The following COL6A2 variants were observed in gnomAD, a reference collection of about 807,000 sequenced individuals.
COL6A2 encodes collagen alpha-2(VI) chain.
A neutral mutation model predicts 124.9 loss-of-function variants in COL6A2; 90 were observed. The observed-to-expected ratio is 0.72, with a 90% CI of 0.61 to 0.86. The LOEUF (loss-of-function observed/expected upper bound fraction) is 0.86, where lower values mean the gene tolerates loss of function less well. COL6A2 is among the 40% of genes least tolerant of loss of function. COL6A2 has a pLI of 0.00. For synonymous variants in COL6A2, 793 were observed against 618.2 expected (o/e 1.28, Z -4.19); for missense variants, 1,607 against 1,502.5 (o/e 1.07, Z -1.15).
chr21:46,132,745 C>G lies in COL6A2; in HGVS notation c.*193C>G. 1.6e-6 allele frequency: 1 copy of G among 621,278 alleles called. No homozygotes were observed. The highest frequency in any genetic ancestry group is 2.8e-6 in the Non-Finnish European group (1 of 356,398). The allele number at this position is 621,278 out of a possible 1,614,324, so 38.5% of individuals were successfully genotyped here. A position where few individuals can be genotyped will look rare whatever the true frequency, so the allele number is the denominator to read the frequency against. ...GCCCCAGGTCTCCCCAGGCCCTCCG[C>G]AGGCTGCCCGGCCTCCCTCCCCCTG... On this transcript the variant is annotated 3_prime_UTR_variant, in exon 28 of 28. Coordinates refer to ENST00000300527, the MANE Select transcript of COL6A2 (RefSeq NM_001849.4).
At chr21:46,121,000 T>TG (rs2078557265) in intron 16 of COL6A2, 61 bp from the exon 17 acceptor site, 2 of 1,506,684 alleles carry the variant, frequency 1.3e-6, no homozygotes, top group Admixed American at 3.3e-5. Context: ...GGATTGATAC[T>TG]GGGGACTCCA....
At chr21:46,103,843 T>C (rs1218832080) in intron 1 of COL6A2, among the ~76,000 whole-genome samples, 2 of 152,244 alleles carry the variant, frequency 1.3e-5, no homozygotes, top group Admixed American at 1.3e-4. Flanking sequence ...TCCGTCTGGT[T>C]GAAGTGACTT....
At position 46,112,324 on chromosome 21, in the gene COL6A2, T is replaced by TCCACTTCG; in HGVS notation, c.464_471dup (p.Val158ThrfsTer42). 1.2e-6 allele frequency: 2 copies of TCCACTTCG among 1,611,540 alleles called. No homozygotes were observed. The highest frequency in any genetic ancestry group is 1.7e-6 in the Non-Finnish European group (2 of 1,179,488). The stretch of plus-strand genomic sequence containing the variant: ...CGGCAGGACCGCAGCAAGGGCACCG[T>TCCACTTCG]CCACTTCGCCGTGGTCATCACCGAC... On this transcript the variant is annotated frameshift_variant, in exon 3 of 28. Coordinates refer to ENST00000300527, the MANE Select transcript of COL6A2 (RefSeq NM_001849.4). LOFTEE classifies it high-confidence loss of function.
At position 46,120,295 on chromosome 21, in the gene COL6A2, G is replaced by A. The variant is rs140431528; in HGVS notation, c.1333-220G>A. On this transcript the variant is annotated intron_variant, in intron 15 of 27. Coordinates refer to ENST00000300527, the MANE Select transcript of COL6A2 (RefSeq NM_001849.4). ...GACGAGGTCCTACCCACGTGTGGGT[G>A]GCCTCAGGGGGACCGAGAGACACCG... 1.2e-4 allele frequency among the ~76,000 whole-genome samples: 18 copies of A among 152,286 alleles called. No homozygotes were observed. The East Asian group carries it at 3.5e-3, about 29-fold the overall frequency.
At chr21:46,120,900 C>T (rs2078555577) in intron 16 of COL6A2, among the ~76,000 whole-genome samples, 161 bp from the exon 17 acceptor site, 2 of 152,154 alleles carry the variant, frequency 1.3e-5, no homozygotes, top group Non-Finnish European at 2.9e-5. Flanking sequence ...GTGCTCAGGG[C>T]TGAAGGTCAA....
At chr21:46,106,987 T>C (rs973364415) in intron 1 of COL6A2, among the ~76,000 whole-genome samples, 1 of 152,232 alleles carries the variant, frequency 6.6e-6, no homozygotes, top group Non-Finnish European at 1.5e-5. Context: ...TAGGAATAAC[T>C]GATATTTTTA....
chr21:46,103,536 T>G (rs562384340), intron 1 of COL6A2, among the ~76,000 whole-genome samples: 3 of 152,220 alleles, frequency 2.0e-5, no homozygotes, highest in Non-Finnish European at 2.9e-5. Flanking sequence ...AATATAAGCA[T>G]GTATAGCCAT....
At chr21:46,119,182 G>C in intron 14 of COL6A2, 63 bp downstream of exon 14, 1 of 1,272,396 alleles carries the variant, frequency 7.9e-7, no homozygotes. Context: ...AGCTTGAGGA[G>C]GACCATGGGG....
At chr21:46,098,531 CG>C (rs1297117292) in intron 1 of COL6A2, among the ~76,000 whole-genome samples, 1 of 151,688 alleles carries the variant, frequency 6.6e-6, no homozygotes, top group East Asian at 1.9e-4. Context: ...CCGCACGCCC[CG>C]CCAGGCCCCG....
Position 46,116,837 on chromosome 21 carries a change from A to G in COL6A2, c.999+23A>G. 6.2e-7 allele frequency: 1 copy of G among 1,612,570 alleles called. No individual in the cohort carries two copies. Among genetic ancestry groups the G allele is most frequent in the Non-Finnish European group, 8.5e-7 (1 of 1,179,858 alleles). ...AAGGTAGAGGGAGCCTCGGGCTCAC[A>G]GCTGGACTGGTCTCACAGAGGCATC... On this transcript the variant is annotated intron_variant, in intron 10 of 27. Transcript: ENST00000300527. The surrounding 1 kb of genome is among the most constrained non-coding windows in gnomAD (Gnocchi z 4.6).
chr21:46,129,460 G>C (rs1332239973), intron 27 of COL6A2: 1 of 1,600,528 alleles, frequency 6.2e-7, no homozygotes, highest in Non-Finnish European at 8.5e-7. Context: ...GACATCGTGG[G>C]GGACCCCGAG....
chr21:46,113,610 A>C, intron 4 of COL6A2: 1 of 267,992 alleles, frequency 3.7e-6, no homozygotes, highest in East Asian at 9.2e-5. Flanking sequence ...TTTTTTGTAG[A>C]GATGGGATCT....
At chr21:46,100,326 TTGTTTGGGG>T (rs1008929369) in intron 1 of COL6A2, among the ~76,000 whole-genome samples, 6 of 152,090 alleles carry the variant, frequency 3.9e-5, no homozygotes, top group African/African-American at 1.2e-4. Context: ...GTTTGTTTGT[TTGTTTGGGG>T]TGTTTGGGGG....
At chr21:46,104,167 A>G (rs1358479647) in intron 1 of COL6A2, among the ~76,000 whole-genome samples, 4 of 114,958 alleles carry the variant, frequency 3.5e-5, no homozygotes, top group African/African-American at 1.1e-4. Context: ...TTCCTATTTC[A>G]AAGGAAAAAA....
chr21:46,121,805 C>T (rs1214855316), intron 18 of COL6A2, among the ~76,000 whole-genome samples, 187 bp downstream of exon 18: 1 of 152,164 alleles, frequency 6.6e-6, no homozygotes, highest in Non-Finnish European at 1.5e-5. Context: ...TGGCTCTCCT[C>T]TTCAGCAGTG....
At chr21:46,129,722 G>A (rs772168120) in intron 27 of COL6A2, 143 of 1,396,210 alleles carry the variant, frequency 1.0e-4, no homozygotes, top group Non-Finnish European at 1.3e-4. Context: ...TCCTGTGGCC[G>A]CTCTCTTTAT....
intron 19 of COL6A2, 118 bp from the exon 20 acceptor site, chr21:46,122,378 C>T: frequency 1.4e-6 from 2 of 1,404,468 alleles, no homozygotes; most frequent in Admixed American, 1.7e-5. Flanking sequence ...AGCACAGTGG[C>T]CTCACCCAGA....
rs753791441 is a variant in COL6A2 at position 46,124,929 on chromosome 21, C to T, written c.1770+9C>T. The T allele has an allele frequency of 3.7e-5, 59 of 1,612,736 alleles. No homozygotes were observed. ...GAGACCCCGGTCTCACGGTAGGTGT[C>T]ACATGGGGCAGAACCAGTGTCCTTC... On this transcript the variant is annotated intron_variant, in intron 23 of 27. Transcript: ENST00000300527.
In COL6A2 at chr21:46,130,146, C is replaced by T. The variant is rs541683225; in HGVS notation, c.2462-1808C>T. Among the ~76,000 whole-genome samples the T allele has an allele frequency of 2.8e-3, 431 of 152,306 alleles. 1 individual carries two copies. The highest frequency in any genetic ancestry group is 0.017 in the Middle Eastern group (5 of 292). ...GAAGCTGGCAGTCCTGGCACCATGA[C>T]GTATCTGGGCTGGTGTCATGCACAG... On this transcript the variant is annotated intron_variant, in intron 27 of 27. Coordinates refer to ENST00000300527, the MANE Select transcript of COL6A2 (RefSeq NM_001849.4).
Sources: gnomAD v4.1 joint callset for allele counts (sites outside exome capture counted in the v4.1 genomes callset) on GRCh38, gnomAD v4.1.1 for gene constraint, Gnocchi (gnomAD v3.1) non-coding constraint, MANE v1.5 for transcripts, NCBI Gene and HGNC (gene_info 2026-07-23, HGNC 2026-07-21) for gene names.